Variants in SMCO2 observed in about 807,000 individuals in gnomAD.
SMCO2 encodes the protein single-pass membrane protein with coiled-coil domains 2, also known as single-pass membrane and coiled-coil domain-containing protein 2.
Under a neutral mutation model 29.5 loss-of-function variants are expected in SMCO2, and 25 were observed. The ratio of observed to expected loss-of-function variants is 0.85; its 90% CI spans 0.62 to 1.18. SMCO2 has a LOEUF of 1.18. Among genes scored for constraint, SMCO2 ranks in the 50% most tolerant of loss-of-function variants. The pLI, the probability that SMCO2 is intolerant of heterozygous loss-of-function variation, is 0.00. For missense variants in SMCO2, 348 were observed against 344.5 expected (o/e 1.01, Z -0.08); for synonymous variants, 117 against 123.3 (o/e 0.95, Z 0.34).
the SMCO2 span, among the ~76,000 whole-genome samples, chr12:27,436,157 A>C: frequency 1.3e-5 from 2 of 152,202 alleles, no homozygotes; most frequent in South Asian, 4.1e-4. Context: ...CACCCTCATG[A>C]CCTAATCACC....
chr12:27,470,312 A>G (rs1199383812), intron 1 of SMCO2, among the ~76,000 whole-genome samples: 2 of 152,174 alleles, frequency 1.3e-5, no homozygotes, highest in Non-Finnish European at 2.9e-5. Context: ...GATTAAAAAA[A>G]TGAAAGTTCC....
the SMCO2 span, among the ~76,000 whole-genome samples, chr12:27,449,570 T>C: frequency 1.3e-5 from 2 of 152,156 alleles, no homozygotes. Flanking sequence ...ACAGAGAAAA[T>C]GTGGTTGAAA....
chr12:27,497,571 G>C (rs2135580342), intron 7 of SMCO2: 1 of 150,822 alleles, frequency 6.6e-6, no homozygotes, highest in African/African-American at 2.6e-5. Flanking sequence ...GTGAAAACTT[G>C]TATCTACAAA....
chr12:27,435,524 C>CCT, the SMCO2 span, among the ~76,000 whole-genome samples: 6,459 of 141,976 alleles, frequency 0.045, 408 homozygotes, highest in African/African-American at 0.14. Flanking sequence ...TGCTTTGTTA[C>CCT]CTCTCTCTCT....
At chr12:27,497,783 T>C (rs962718464) in intron 7 of SMCO2, 6 of 188,810 alleles carry the variant, frequency 3.2e-5, no homozygotes, top group Non-Finnish European at 6.3e-5. Context: ...ATGCATCTGA[T>C]CTGGCTGCTC....
intron 5 of SMCO2, 58 bp downstream of exon 6, chr12:27,488,605 T>G: frequency 7.8e-7 from 1 of 1,285,730 alleles, no homozygotes; most frequent in Non-Finnish European, 1.1e-6. Flanking sequence ...CTTCTTTCCC[T>G]ACTACCTTTC....
chr12:27,461,608 G>A, the SMCO2 span, among the ~76,000 whole-genome samples: 4 of 152,174 alleles, frequency 2.6e-5, no homozygotes, highest in East Asian at 1.9e-4. Context: ...TAGATATGAC[G>A]ATGAATATTT....
At chr12:27,481,923 T>C (rs1949646612) in intron 4 of SMCO2, among the ~76,000 whole-genome samples, 1 of 152,180 alleles carries the variant, frequency 6.6e-6, no homozygotes, top group Admixed American at 6.5e-5. Flanking sequence ...ATACATTTTT[T>C]GGTTTGCTAA....
chr12:27,468,721 A>G (rs186322044), intron 1 of SMCO2, among the ~76,000 whole-genome samples: 4 of 152,320 alleles, frequency 2.6e-5, no homozygotes, highest in Non-Finnish European at 5.9e-5. Flanking sequence ...AAATCTTTTT[A>G]TCAGTAGCTG....
At position 27,470,724 on chromosome 12, in the gene SMCO2, C is replaced by CT. The variant is rs1304973501; in HGVS notation, c.98dup (p.Gln34ProfsTer7). 1 of 1,551,028 alleles carries CT rather than the reference C, an allele frequency of 6.4e-7. No individual in the cohort carries two copies. Among genetic ancestry groups the CT allele is most frequent in the Non-Finnish European group, 8.7e-7 (1 of 1,146,598 alleles). ...AACAGCTGACTAAGAAAAACAATGG[C>CT]TTTTTCCAAAAGCTCAATGTGACTG... On this transcript the variant is annotated frameshift_variant, in exon 2 of 8. Transcript: ENST00000298876. LOFTEE classifies it high-confidence loss of function.
intron 4 of SMCO2, among the ~76,000 whole-genome samples, chr12:27,486,058 T>A (rs1949686832): frequency 6.6e-6 from 1 of 152,194 alleles, no homozygotes; most frequent in Non-Finnish European, 1.5e-5. Context: ...TTATAAGAGT[T>A]TTCCACTCTG....
the SMCO2 span, among the ~76,000 whole-genome samples, chr12:27,451,516 T>C: frequency 6.6e-6 from 1 of 152,344 alleles, no homozygotes; most frequent in African/African-American, 2.4e-5. Flanking sequence ...TTACTGTTGA[T>C]GCATTAACAT....
chr12:27,432,580 T>A, the SMCO2 span, among the ~76,000 whole-genome samples: 1 of 152,232 alleles, frequency 6.6e-6, no homozygotes, highest in Middle Eastern at 3.2e-3. Context: ...ATAGCATTTG[T>A]ACCATATCCT....
At chr12:27,432,403 A>G in the SMCO2 span, among the ~76,000 whole-genome samples, 6 of 152,218 alleles carry the variant, frequency 3.9e-5, no homozygotes, top group Non-Finnish European at 8.8e-5. Flanking sequence ...CATGAAATAC[A>G]TTTTGAAAAC....
At chr12:27,449,480 A>G in the SMCO2 span, among the ~76,000 whole-genome samples, 5 of 152,248 alleles carry the variant, frequency 3.3e-5, no homozygotes, top group South Asian at 2.1e-4. Context: ...GAAACTGCTT[A>G]TGGAGGGATC....
the SMCO2 span, among the ~76,000 whole-genome samples, chr12:27,437,181 G>A: frequency 1.3e-5 from 2 of 152,162 alleles, no homozygotes; most frequent in Non-Finnish European, 2.9e-5. Flanking sequence ...TGAGGCGGGA[G>A]GATCACTTGA....
chr12:27,426,647 G>A, the SMCO2 span, among the ~76,000 whole-genome samples: 2 of 152,308 alleles, frequency 1.3e-5, no homozygotes, highest in African/African-American at 4.8e-5. Flanking sequence ...GGAAATTAGT[G>A]TTATAGAGAA....
the SMCO2 span, among the ~76,000 whole-genome samples, chr12:27,445,778 T>C: frequency 2.6e-5 from 4 of 152,188 alleles, no homozygotes; most frequent in Non-Finnish European, 5.9e-5. Flanking sequence ...AACAGAAATT[T>C]ATTTTCTCAC....
chr12:27,495,210 T>TGTAAAGAACGTTGTAA (rs1555175553), intron 6 of SMCO2, among the ~76,000 whole-genome samples: 2 of 151,286 alleles, frequency 1.3e-5, no homozygotes, highest in South Asian at 2.1e-4. Context: ...ACCCTATTTG[T>TGTAAAGAACGTTGTAA]TTTCTCTTTA....
Sources: gnomAD v4.1 joint callset for allele counts (sites outside exome capture counted in the v4.1 genomes callset) on GRCh38, gnomAD v4.1.1 for gene constraint, MANE v1.5 for transcripts, NCBI Gene and HGNC (gene_info 2026-07-23, HGNC 2026-07-21) for gene names.